The following LMAN1L variants were observed in gnomAD, a reference collection of about 807,000 sequenced individuals.
LMAN1L encodes the protein lectin, mannose binding 1 like.
A neutral mutation model predicts 58.3 loss-of-function variants in LMAN1L; 60 were observed. The observed-to-expected ratio is 1.03, with a 90% CI of 0.84 to 1.27. The LOEUF (loss-of-function observed/expected upper bound fraction) is 1.27. Among genes scored for constraint, LMAN1L ranks in the 50% most tolerant of loss-of-function variants. LMAN1L has a pLI of 0.00. For missense variants in LMAN1L, 629 were observed against 674.0 expected, an observed-to-expected ratio of 0.93 and a Z score of 0.74; for synonymous variants, 280 against 271.6, an observed-to-expected ratio of 1.03 and a Z score of -0.31.
intron 4 of LMAN1L, among the ~76,000 whole-genome samples, chr15:74,818,299 C>T (rs1184910845): frequency 2.0e-5 from 3 of 152,142 alleles, no homozygotes; most frequent in Admixed American, 2.0e-4. Flanking sequence ...TGCCAGCTCG[C>T]CCAGCGGAAA....
In LMAN1L at chr15:74,821,140, G is replaced by T; in HGVS notation, c.973G>T (p.Gly325Cys). 6.4e-7 allele frequency: 1 copy of T among 1,559,170 alleles called. No homozygotes were observed. The highest frequency in any genetic ancestry group is 8.7e-7 in the Non-Finnish European group (1 of 1,151,514). ...CCGCCGGATCCTGCAGGCTCTGCGG[G>T]GTCTCTCCAAGCAGCTGGCCCAGGC... Reference protein sequence around the residue: ...RHRRILQALRGLSKQLAQAER... With the variant: ...RHRRILQALRCLSKQLAQAER... The change falls in exon 9 of 14, where the codon GGT becomes TGT. Residue 325 changes from glycine to cysteine, a missense_variant. Gly to Cys is a radical substitution (Grantham distance 159). Coordinates refer to ENST00000309664, the MANE Select transcript of LMAN1L (RefSeq NM_021819.3).
At chr15:74,813,593 T>A in intron 1 of LMAN1L, 1 of 395,750 alleles carries the variant, frequency 2.5e-6, no homozygotes, top group Admixed American at 2.8e-5. Context: ...CTACAAAGAG[T>A]GTGTCTTCTA....
chr15:74,821,761 C>G, intron 9 of LMAN1L, 68 bp from the exon 10 acceptor site: 1 of 1,038,378 alleles, frequency 9.6e-7, no homozygotes, highest in Non-Finnish European at 1.5e-6. Context: ...TTAGGCTGGG[C>G]TGCTAGTGTG....
Position 74,813,041 on chromosome 15 carries a change from G to T in LMAN1L, c.175+12G>T. Reference sequence around the variant, plus strand: ...GAGCCATCATGGAGGTGAGGGGCAGGGGTGGGGACCAGCTATGCCCAGGGT... The same window carrying T: ...GAGCCATCATGGAGGTGAGGGGCAGTGGTGGGGACCAGCTATGCCCAGGGT... On this transcript the variant is annotated intron_variant, in intron 1 of 13. Coordinates refer to ENST00000309664, the MANE Select transcript of LMAN1L (RefSeq NM_021819.3). The T allele has an allele frequency of 6.2e-7, 1 of 1,607,200 alleles. No individual in the cohort carries two copies. Among genetic ancestry groups the T allele is most frequent in the South Asian group, 1.1e-5 (1 of 90,204 alleles).
In LMAN1L at chr15:74,816,250, C is replaced by T. The variant is rs1464406832; in HGVS notation, c.269C>T (p.Ala90Val). 6.2e-7 allele frequency: 1 copy of T among 1,606,782 alleles called. No individual in the cohort carries two copies. Among genetic ancestry groups the T allele is most frequent in the Non-Finnish European group, 8.5e-7 (1 of 1,176,914 alleles). ...VWSRASVPFSAWEVEVQMRVT... is the reference protein window; with the variant it reads ...VWSRASVPFSVWEVEVQMRVT... The stretch of plus-strand genomic sequence containing the variant: ...AGCAGGGCCTCTGTCCCCTTCTCTG[C>T]CTGGGAAGTAGAGGTGCAGATGAGG... The change falls in exon 2 of 14, where the codon GCC becomes GTC. Residue 90 changes from alanine (A) to valine (V), a missense_variant. Ala to Val is a moderately conservative substitution (Grantham distance 64). Transcript: ENST00000309664.
At position 74,818,315 on chromosome 15, in the gene LMAN1L, G is replaced by A. The variant is rs557671945; in HGVS notation, c.498-403G>A. Among the ~76,000 whole-genome samples, 18 of 152,300 alleles carry A rather than the reference G, an allele frequency of 1.2e-4. No individual in the cohort carries two copies. The South Asian group carries it at 1.2e-3, about 11-fold the overall frequency. On this transcript the variant is annotated intron_variant, in intron 4 of 13. Transcript: ENST00000309664. ...GCCAGCTCGCCCAGCGGAAAGGGAG[G>A]TGGCACAGCAAATCTGGGCAGAGTG... is the stretch of plus-strand genomic sequence containing the variant.
At position 74,816,430 on chromosome 15, in the gene LMAN1L, G is replaced by T; in HGVS notation, c.334G>T (p.Val112Leu). The T allele has an allele frequency of 6.4e-7, 1 of 1,560,290 alleles. No homozygotes were observed. The highest frequency in any genetic ancestry group is 8.7e-7 in the Non-Finnish European group (1 of 1,149,428). ...CTGAGGGGCTGGGGACCTGCAGGCC[G>T]TGTGGTACACCCGGGGCAGGGGCCA... is the stretch of plus-strand genomic sequence containing the variant. ...LGRRGAQGMA[V>L]WYTRGRGHVG... is the part of the protein sequence containing the mutation. Residue 112 changes from valine (V) to leucine (L), a missense_variant, in exon 3 of 14, where the codon GTG (valine) becomes TTG (leucine). Transcript: ENST00000309664.
chr15:74,813,211 C>A (rs928692366), intron 1 of LMAN1L, 182 bp downstream of exon 1: 3 of 673,478 alleles, frequency 4.5e-6, no homozygotes, highest in East Asian at 5.5e-5. Context: ...CGCCTCAACA[C>A]CCCCCACCCC....
chr15:74,815,140 C>A (rs2063884738), intron 1 of LMAN1L, among the ~76,000 whole-genome samples: 1 of 152,244 alleles, frequency 6.6e-6, no homozygotes, highest in Non-Finnish European at 1.5e-5. Flanking sequence ...AGCCCATGGT[C>A]TGGGGCAAGG....
At position 74,823,699 on chromosome 15, in the gene LMAN1L, G is replaced by A; in HGVS notation, c.1323+17G>A. The A allele has an allele frequency of 1.2e-6, 2 of 1,610,160 alleles. No individual in the cohort carries two copies. The highest frequency in any genetic ancestry group is 1.7e-6 in the Non-Finnish European group (2 of 1,178,944). ...GGCCCGGCGGTGAGGGGAAAGTAGT[G>A]GGCAGCATGGGGTCCCCAACCTTGA... On this transcript the variant is annotated intron_variant, in intron 12 of 13. Coordinates refer to ENST00000309664, the MANE Select transcript of LMAN1L (RefSeq NM_021819.3).
At position 74,820,710 on chromosome 15, in the gene LMAN1L, G is replaced by A. The variant is rs772108670; in HGVS notation, c.850G>A (p.Gly284Ser). The A allele has an allele frequency of 6.2e-7, 1 of 1,613,766 alleles. No individual in the cohort carries two copies. Among genetic ancestry groups the A allele is most frequent in the African/African-American group, 1.3e-5 (1 of 74,912 alleles). Residue 284 changes from glycine to serine, a missense_variant, in exon 8 of 14, where the codon GGC (glycine) becomes AGC (serine). Around this residue, in one of 3 missense-constraint regions of LMAN1L, gnomAD observed 573 missense variants for 597.3 expected, o/e 0.96. Transcript: ENST00000309664. ...GCTGGAAGGGCTGTGGGCAAGGCTG[G>A]GCTTGGGCACCAGGGAGGATGTAAC... ...RQLEGLWARL[G>S]LGTREDVTPK...
rs188898994 is a variant in LMAN1L at position 74,820,250 on chromosome 15, G to A, written c.774+151G>A. On this transcript the variant is annotated intron_variant, in intron 7 of 13. Transcript: ENST00000309664. ...CAGACCTTGTGCAGGGCAGTGCTGC[G>A]GGCCAGGGCCGGTGTGTGAGGTCTC... 7.9e-4 allele frequency: 582 copies of A among 737,218 alleles called. 5 individuals are homozygous for A. In the East Asian group the frequency reaches 0.014, roughly 18 times the overall value. 45.7% of individuals were successfully genotyped at this position (737,218 alleles called of 1,614,324 possible).
chr15:74,823,484 G>T, intron 11 of LMAN1L, 75 bp from the exon 12 acceptor site: 2 of 1,549,098 alleles, frequency 1.3e-6, no homozygotes, highest in Non-Finnish European at 8.9e-7. Context: ...TTGGGGAGAT[G>T]GGAAATGATT....
chr15:74,816,687 C>T lies in LMAN1L; in HGVS notation c.494C>T (p.Pro165Leu), dbSNP rs1567223644. 6.2e-7 allele frequency: 1 copy of T among 1,613,836 alleles called. No individual in the cohort carries two copies. ...GACGGGCACATCCCCTCTGAGCAGCCTGGGTAAGGGCCTGTCTGGACTGAC... is the reference window on the plus strand; with the variant it reads ...GACGGGCACATCCCCTCTGAGCAGCTTGGGTAAGGGCCTGTCTGGACTGAC... ...ASDGHIPSEQ[P>L]GDGASQGLGS... The change falls in exon 4 of 14, where the codon CCT becomes CTT. Residue 165 changes from proline (P) to leucine (L), a missense_variant. Transcript: ENST00000309664.
At chr15:74,824,524 T>C in intron 13 of LMAN1L, 46 bp downstream of exon 13, 1 of 1,610,220 alleles carries the variant, frequency 6.2e-7, no homozygotes, top group Non-Finnish European at 8.5e-7. Context: ...TGGCATCTCT[T>C]GGTTCTCAGC....
At chr15:74,817,724 G>A (rs1054221198) in intron 4 of LMAN1L, among the ~76,000 whole-genome samples, 4 of 152,162 alleles carry the variant, frequency 2.6e-5, no homozygotes. Context: ...AGAAGGAGGA[G>A]GGAGAGGCCA....
At chr15:74,825,321 G>A (rs1319266848) in intron 13 of LMAN1L, 155 bp from the exon 14 acceptor site, 2 of 752,172 alleles carry the variant, frequency 2.7e-6, no homozygotes, top group African/African-American at 3.5e-5. Context: ...GGAAAGCGTG[G>A]ACCATATGCA....
At position 74,819,996 on chromosome 15, in the gene LMAN1L, G is replaced by T. The variant is rs373022833; in HGVS notation, c.719-48G>T. On this transcript the variant is annotated intron_variant, in intron 6 of 13. Transcript: ENST00000309664. Reference sequence around the variant, plus strand: ...GTTAGGGTGAAGGCTGAGCGAGGGGGTTGCTGGGTGGAGGGGTCTTACTTC... The same window carrying T: ...GTTAGGGTGAAGGCTGAGCGAGGGGTTTGCTGGGTGGAGGGGTCTTACTTC... The T allele has an allele frequency of 7.1e-6, 11 of 1,557,124 alleles. 1 individual carries two copies. The highest frequency in any genetic ancestry group is 1.7e-4 in the Middle Eastern group (1 of 6,000).
At position 74,818,833 on chromosome 15, in the gene LMAN1L, T is replaced by G; in HGVS notation, c.597+16T>G. On this transcript the variant is annotated intron_variant, in intron 5 of 13. Transcript: ENST00000309664. The stretch of plus-strand genomic sequence containing the variant: ...GAGGCTGCGCGTGAGTCACCCTTCC[T>G]GCTTCTGACAGGGCTCTGAGTTACA... The G allele has an allele frequency of 6.3e-7, 1 of 1,591,496 alleles. No homozygotes were observed. Among genetic ancestry groups the G allele is most frequent in the Non-Finnish European group, 8.6e-7 (1 of 1,167,172 alleles).
Sources: allele counts gnomAD v4.1 joint callset (sites outside exome capture counted in the v4.1 genomes callset), GRCh38; gene constraint gnomAD v4.1.1; regional missense constraint gnomAD v4.1.1; transcripts MANE v1.5; gene names NCBI Gene and HGNC (gene_info 2026-07-23, HGNC 2026-07-21).